The following RASSF3 variants were observed in gnomAD, a reference collection of about 807,000 sequenced individuals.
RASSF3 encodes the protein Ras association domain family member 3, also known as ras association domain-containing protein 3.
Under a neutral mutation model 19.9 loss-of-function variants are expected in RASSF3, and 19 were observed. The observed-to-expected ratio is 0.96, with a 90% CI of 0.67 to 1.40. The LOEUF is 1.40. RASSF3 is among the 40% of genes most tolerant of loss of function. The pLI is 0.00. For missense variants in RASSF3, 306 were observed against 289.8 expected, an observed-to-expected ratio of 1.06 and a Z score of -0.41; for synonymous variants, 110 against 104.2, an observed-to-expected ratio of 1.06 and a Z score of -0.34.
rs113796379 is a variant in RASSF3 at position 64,636,664 on chromosome 12, G to A, written c.111+25921G>A. On this transcript the variant is annotated intron_variant, in intron 1 of 4. Coordinates refer to ENST00000542104, the MANE Select transcript of RASSF3 (RefSeq NM_178169.4). ...GTGGATCACCTGAGGTCAGGGGTTCGAAACCATCCTGGCCAACATGGCGAA... is the reference window on the plus strand; with the variant it reads ...GTGGATCACCTGAGGTCAGGGGTTCAAAACCATCCTGGCCAACATGGCGAA... 7.5e-3 allele frequency among the ~76,000 whole-genome samples: 1,136 copies of A among 151,816 alleles called. 17 individuals are homozygous for A. The highest frequency in any genetic ancestry group is 0.026 in the African/African-American group (1,091 of 41,432).
chr12:64,569,677 A>G (rs1405963435), intron 2 of RASSF3, among the ~76,000 whole-genome samples: 2 of 152,228 alleles, frequency 1.3e-5, no homozygotes, highest in Non-Finnish European at 2.9e-5. Context: ...TTAAAAATAC[A>G]TCTTTAAGCT....
At chr12:64,508,931 A>T (rs572914793) in intron 1 of RASSF3, among the ~76,000 whole-genome samples, 1,205 of 106,350 alleles carry the variant, frequency 0.011, 9 homozygotes, top group African/African-American at 0.054. Flanking sequence ...CAATTCATTT[A>T]AAAAAAAAAG....
intron 1 of RASSF3, chr12:64,622,388 G>A (rs1257754099): frequency 1.8e-5 from 9 of 500,396 alleles, no homozygotes; most frequent in Non-Finnish European, 3.2e-5. Context: ...AAGTATACTA[G>A]GTATTGAAAA....
At chr12:64,507,372 TTG>T (rs1365507514) in intron 1 of RASSF3, 3 of 397,896 alleles carry the variant, frequency 7.5e-6, no homozygotes, top group East Asian at 3.6e-5. Flanking sequence ...ATCCGTTTTT[TTG>T]TGTGTGTGTG....
At chr12:64,568,507 G>A (rs139408733) in intron 2 of RASSF3, among the ~76,000 whole-genome samples, 605 of 151,996 alleles carry the variant, frequency 4.0e-3, no homozygotes, top group African/African-American at 0.012. Flanking sequence ...CTTTCCTCAC[G>A]GCCCCAACAC....
chr12:64,543,070 C>G (rs1214126992), downstream of RASSF3, among the ~76,000 whole-genome samples: 1 of 60,190 alleles, frequency 1.7e-5, no homozygotes, highest in Non-Finnish European at 3.7e-5. Flanking sequence ...TGGCGGGCCC[C>G]GCACTTGGAG....
chr12:64,538,739 A>G (rs1051025068), intron 1 of RASSF3, among the ~76,000 whole-genome samples: 1 of 151,870 alleles, frequency 6.6e-6, no homozygotes, highest in African/African-American at 2.4e-5. Flanking sequence ...TCTTTTTTCT[A>G]TGTATATATT....
rs954393794 is a variant in RASSF3 at position 64,668,921 on chromosome 12, G to A, written c.112-15866G>A. Among the ~76,000 whole-genome samples, 8 of 150,446 alleles carry A rather than the reference G, an allele frequency of 5.3e-5. No individual in the cohort carries two copies. In the East Asian group the frequency reaches 6.0e-4, roughly 11 times the overall value. ...CCTGACCTCGTGATCTGCCCGCCTC[G>A]GCCTCCCAAAGTGCTGGGATTACAG... On this transcript the variant is annotated intron_variant, in intron 1 of 4. Coordinates refer to ENST00000542104, the MANE Select transcript of RASSF3 (RefSeq NM_178169.4).
intron 1 of RASSF3, among the ~76,000 whole-genome samples, chr12:64,670,661 T>C (rs1427614521): frequency 1.3e-5 from 2 of 152,110 alleles, no homozygotes; most frequent in Non-Finnish European, 2.9e-5. Flanking sequence ...TCTGGAGTGC[T>C]GCACATGTAG....
chr12:64,564,366 C>T lies in RASSF3; in HGVS notation c.294+22661C>T, dbSNP rs539646194. Among the ~76,000 whole-genome samples, 7 of 150,934 alleles carry T rather than the reference C, an allele frequency of 4.6e-5. No homozygotes were observed. The East Asian group carries it at 5.9e-4, about 13-fold the overall frequency. On this transcript the variant is annotated intron_variant, in intron 2 of 5. Transcript: ENST00000637125. ...CCTAAATTCAGTAAAGGCCTCCTCT[C>T]CCTAACACATTTCTTTTCTTTCTTT...
chr12:64,695,012 TA>T lies in RASSF3; in HGVS notation c.*101del. 7.6e-7 allele frequency: 1 copy of T among 1,307,606 alleles called. No homozygotes were observed. The highest frequency in any genetic ancestry group is 1.0e-6 in the Non-Finnish European group (1 of 952,664). 81.0% of individuals were successfully genotyped at this position (1,307,606 alleles called of 1,614,324 possible). A position where few individuals can be genotyped will look rare whatever the true frequency, so the allele number is the denominator to read the frequency against. ...GGGCTGCTGTCTTGCCCCACTATGC[TA>T]GGGTCTTCGCCTTTCTATCTGTAGA... On this transcript the variant is annotated 3_prime_UTR_variant, in exon 5 of 5. Coordinates refer to ENST00000542104, the MANE Select transcript of RASSF3 (RefSeq NM_178169.4).
intron 2 of RASSF3, among the ~76,000 whole-genome samples, chr12:64,572,333 T>G (rs1869532842): frequency 6.6e-6 from 1 of 152,154 alleles, no homozygotes; most frequent in South Asian, 2.1e-4. Flanking sequence ...GAGAGCTTGC[T>G]GTCACTGGCA....
chr12:64,564,700 C>A (rs1433377972), intron 2 of RASSF3, among the ~76,000 whole-genome samples: 1 of 152,068 alleles, frequency 6.6e-6, no homozygotes, highest in African/African-American at 2.4e-5. Context: ...CACATTTCTA[C>A]AAGCTGCCAT....
rs75998059 is a variant in RASSF3 at position 64,619,407 on chromosome 12, G to A, written c.111+8664G>A. ...GGTGCAACTCTGCCTTCAGTTTAAG[G>A]ACAGAAGAGGGCTCATGTTTCATAG... On this transcript the variant is annotated intron_variant, in intron 1 of 4. Transcript: ENST00000542104. Among the ~76,000 whole-genome samples the A allele has an allele frequency of 6.1e-3, 928 of 152,146 alleles. 11 individuals carry two copies. Among genetic ancestry groups the A allele is most frequent in the Middle Eastern group, 0.01 (3 of 294 alleles).
At chr12:64,664,640 ATTCT>A (rs1199057548) in intron 1 of RASSF3, among the ~76,000 whole-genome samples, 3 of 152,342 alleles carry the variant, frequency 2.0e-5, no homozygotes, top group African/African-American at 7.2e-5. Flanking sequence ...AAAAAGGGAA[ATTCT>A]TTCCCAATCT....
At chr12:64,598,481 C>T (rs115864044) in intron 2 of RASSF3, among the ~76,000 whole-genome samples, 1,589 of 152,220 alleles carry the variant, frequency 0.01, 23 homozygotes, top group African/African-American at 0.036. Flanking sequence ...GTAGCTATAG[C>T]TATGGCATGG....
chr12:64,664,280 A>G (rs1242353934), intron 1 of RASSF3, among the ~76,000 whole-genome samples: 1 of 152,210 alleles, frequency 6.6e-6, no homozygotes. Flanking sequence ...AAAAATCATA[A>G]TAGAAATAAC....
intron 1 of RASSF3, among the ~76,000 whole-genome samples, chr12:64,678,648 C>CCAAAAA (rs1555216118): frequency 1.1e-5 from 1 of 90,908 alleles, no homozygotes; most frequent in Non-Finnish European, 2.1e-5. Context: ...TCCGTAATAC[C>CCAAAAA]AAAAAAAAAA....
rs1871084226 is a variant in RASSF3 at position 64,629,053 on chromosome 12, GC to G, written c.111+18312del. ...AGGCTCAAGTGATCGTTCCAGTTCA[GC>G]CTCCTTAGTAGCTGGGATCACAGGT... On this transcript the variant is annotated intron_variant, in intron 1 of 4. Transcript: ENST00000542104. Among the ~76,000 whole-genome samples, 6 of 151,216 alleles carry G rather than the reference GC, an allele frequency of 4.0e-5. No individual in the cohort carries two copies. In the South Asian group the frequency reaches 1.3e-3, roughly 32 times the overall value.
Sources: allele counts gnomAD v4.1 joint callset (sites outside exome capture counted in the v4.1 genomes callset), GRCh38; gene constraint gnomAD v4.1.1; transcripts MANE v1.5; gene names NCBI Gene and HGNC (gene_info 2026-07-23, HGNC 2026-07-21).